ZNF804A: variants seen among roughly 807,000 people sequenced by gnomAD.
ZNF804A encodes the protein zinc finger protein 804A.
A neutral mutation model predicts 16.5 loss-of-function variants in ZNF804A; 2 were observed. That is an observed-to-expected ratio of 0.12 (90% CI 0.05 to 0.38). The LOEUF is 0.38. Among genes scored for constraint, ZNF804A ranks in the 10% least tolerant of loss-of-function variants. ZNF804A has a pLI of 0.99. For missense variants in ZNF804A, 1,473 were observed against 1,390.7 expected, an observed-to-expected ratio of 1.06 and a Z score of -0.94; for synonymous variants, 534 against 489.6, an observed-to-expected ratio of 1.09 and a Z score of -1.20.
intron 1 of ZNF804A, among the ~76,000 whole-genome samples, chr2:184,743,753 T>A (rs1693741541): frequency 6.6e-6 from 1 of 151,958 alleles, no homozygotes; most frequent in Admixed American, 6.6e-5. Flanking sequence ...GGTGGTATAT[T>A]TTGTATATAT....
At chr2:184,801,005 G>T (rs148223012) in intron 1 of ZNF804A, among the ~76,000 whole-genome samples, 35 of 152,072 alleles carry the variant, frequency 2.3e-4, no homozygotes, top group Non-Finnish European at 4.7e-4. Flanking sequence ...TGCAGTACAA[G>T]TCTATTGGTG....
intron 1 of ZNF804A, among the ~76,000 whole-genome samples, chr2:184,784,908 T>TAGGTGGA (rs1694424260): frequency 6.6e-6 from 1 of 151,972 alleles, no homozygotes; most frequent in African/African-American, 2.4e-5. Context: ...ACTTGGGAGT[T>TAGGTGGA]AGGTGGAAGC....
chr2:184,656,682 A>G (rs889522728), intron 1 of ZNF804A, among the ~76,000 whole-genome samples: 5 of 151,898 alleles, frequency 3.3e-5, no homozygotes, highest in African/African-American at 1.2e-4. Context: ...GTGTATATAT[A>G]CATATATACA....
chr2:184,804,351 A>G (rs1335712244), intron 1 of ZNF804A, among the ~76,000 whole-genome samples: 1 of 152,172 alleles, frequency 6.6e-6, no homozygotes, highest in Admixed American at 6.5e-5. Flanking sequence ...AACCAGAGAC[A>G]GTATATTTGG....
At chr2:184,909,588 T>A (rs1244362241) in intron 2 of ZNF804A, among the ~76,000 whole-genome samples, 1 of 152,038 alleles carries the variant, frequency 6.6e-6, no homozygotes, top group African/African-American at 2.4e-5. Context: ...TGGTATTTAT[T>A]CCTTTAAACA....
intron 1 of ZNF804A, among the ~76,000 whole-genome samples, chr2:184,731,247 G>A (rs529815633): frequency 9.8e-4 from 60 of 61,256 alleles, no homozygotes; most frequent in East Asian, 2.7e-3. Context: ...GCTAGGCTCC[G>A]TCGCAAAAAA....
At chr2:184,778,466 G>T (rs931163248) in intron 1 of ZNF804A, among the ~76,000 whole-genome samples, 1 of 151,412 alleles carries the variant, frequency 6.6e-6, no homozygotes, top group Non-Finnish European at 1.5e-5. Flanking sequence ...AAATAAAACC[G>T]GACAAGAGGA....
intron 1 of ZNF804A, among the ~76,000 whole-genome samples, chr2:184,839,961 A>T (rs1695410510): frequency 6.6e-6 from 1 of 152,176 alleles, no homozygotes. Context: ...GTGTCCATGA[A>T]CTTAATATCT....
At chr2:184,910,299 T>C (rs1685335513) in intron 2 of ZNF804A, among the ~76,000 whole-genome samples, 1 of 152,040 alleles carries the variant, frequency 6.6e-6, no homozygotes, top group South Asian at 2.1e-4. Context: ...GTAAAGGACA[T>C]GATTTTGTTC....
intron 1 of ZNF804A, among the ~76,000 whole-genome samples, chr2:184,852,872 A>T (rs536502996): frequency 6.6e-6 from 1 of 151,834 alleles, no homozygotes; most frequent in African/African-American, 2.4e-5. Context: ...GAAATTAATT[A>T]GTGTGATGCC....
intron 1 of ZNF804A, among the ~76,000 whole-genome samples, chr2:184,777,966 A>G (rs1048420238): frequency 6.6e-6 from 1 of 151,768 alleles, no homozygotes; most frequent in East Asian, 1.9e-4. Context: ...TAAGCAATTA[A>G]TAATTCATTT....
In ZNF804A at chr2:184,802,520, A is replaced by G. The variant is rs544204323; in HGVS notation, c.112-63849A>G. Among the ~76,000 whole-genome samples, 10 of 152,312 alleles carry G rather than the reference A, an allele frequency of 6.6e-5. No individual in the cohort carries two copies. The East Asian group carries it at 1.7e-3, about 26-fold the overall frequency. On this transcript the variant is annotated intron_variant, in intron 1 of 3. Coordinates refer to ENST00000302277, the MANE Select transcript of ZNF804A (RefSeq NM_194250.2). Reference sequence around the variant, plus strand: ...ATTCAAACACAACTAATTTATCAAAATTACCATTTAACTGTTCATAACAGT... The same window carrying G: ...ATTCAAACACAACTAATTTATCAAAGTTACCATTTAACTGTTCATAACAGT...
At chr2:184,759,715 A>G (rs1244381651) in intron 1 of ZNF804A, among the ~76,000 whole-genome samples, 5 of 151,992 alleles carry the variant, frequency 3.3e-5, no homozygotes, top group Admixed American at 6.6e-5. Context: ...AAGAATCACA[A>G]AAGAAGTGAA....
chr2:184,695,714 G>T (rs1692820861), intron 1 of ZNF804A, among the ~76,000 whole-genome samples: 1 of 151,984 alleles, frequency 6.6e-6, no homozygotes, highest in Admixed American at 6.6e-5. Context: ...TACTGTGCCA[G>T]GTCTGGAAAG....
chr2:184,828,653 T>C (rs1407758689), intron 1 of ZNF804A, among the ~76,000 whole-genome samples: 3 of 151,892 alleles, frequency 2.0e-5, no homozygotes, highest in Non-Finnish European at 4.4e-5. Flanking sequence ...TTTCCTAATA[T>C]ATCAATGTTA....
chr2:184,612,524 C>T (rs543593236), intron 1 of ZNF804A, among the ~76,000 whole-genome samples: 2 of 151,672 alleles, frequency 1.3e-5, no homozygotes, highest in African/African-American at 2.4e-5. Flanking sequence ...CTGCAACCTC[C>T]GCCTCCCAGG....
chr2:184,792,311 A>G (rs1470119236), intron 1 of ZNF804A, among the ~76,000 whole-genome samples: 1 of 152,122 alleles, frequency 6.6e-6, no homozygotes, highest in East Asian at 1.9e-4. Flanking sequence ...CTGATGCCCA[A>G]CATCGTTGTA....
chr2:184,697,323 C>A (rs1162000367), intron 1 of ZNF804A, among the ~76,000 whole-genome samples: 1 of 151,906 alleles, frequency 6.6e-6, no homozygotes, highest in Admixed American at 6.6e-5. Flanking sequence ...GCAGTTGAAC[C>A]ATGCATTACG....
chr2:184,628,280 A>C (rs183816533), intron 1 of ZNF804A, among the ~76,000 whole-genome samples: 7 of 152,246 alleles, frequency 4.6e-5, no homozygotes, highest in Non-Finnish European at 1.0e-4. Flanking sequence ...GTGCCATTGC[A>C]ACAGCCTGGG....
Sources: allele counts gnomAD v4.1 joint callset (sites outside exome capture counted in the v4.1 genomes callset), GRCh38; gene constraint gnomAD v4.1.1; transcripts MANE v1.5; gene names NCBI Gene and HGNC (gene_info 2026-07-23, HGNC 2026-07-21).